OR2C1: variants seen among roughly 807,000 people sequenced by gnomAD.
The protein encoded by OR2C1 is olfactory receptor 2C1.
For synonymous variants in OR2C1, 209 were observed against 167.3 expected, an observed-to-expected ratio of 1.25 and a Z score of -1.92; for missense variants, 468 against 388.3, an observed-to-expected ratio of 1.21 and a Z score of -1.73.
At chr16:3,338,879 T>C in the OR2C1 span, among the ~76,000 whole-genome samples, 1 of 152,234 alleles carries the variant, frequency 6.6e-6, no homozygotes, top group South Asian at 2.1e-4. Flanking sequence ...AAAATAAAAT[T>C]AACCATTTTA....
At chr16:3,326,419 C>T in the OR2C1 span, among the ~76,000 whole-genome samples, 41 of 152,328 alleles carry the variant, frequency 2.7e-4, no homozygotes, top group African/African-American at 9.6e-4. Flanking sequence ...ACAGACCATC[C>T]AGGTCCCTGA....
the OR2C1 span, among the ~76,000 whole-genome samples, chr16:3,333,231 T>TG: frequency 1.8e-3 from 233 of 132,228 alleles, 6 homozygotes; most frequent in African/African-American, 6.5e-3. Flanking sequence ...TTTTTTTTTT[T>TG]TTTTTTTTTT....
In OR2C1 at chr16:3,356,838, G is replaced by A. The variant is rs62000975; in HGVS notation, c.898G>A (p.Ala300Thr). 0.012 allele frequency: 20,097 copies of A among 1,608,498 alleles called. 181 individuals carry two copies. Among genetic ancestry groups the A allele is most frequent in the South Asian group, 0.024 (2,134 of 90,322 alleles). The change falls in exon 1 of 1, where the codon GCA becomes ACA. Residue 300 changes from alanine to threonine, a missense_variant. Physicochemically the swap from Ala to Thr is moderately conservative, Grantham distance 58 (BLOSUM62 0). Transcript: ENST00000304936. The stretch of plus-strand genomic sequence containing the variant: ...GCTGCGGAACATGGAAGTGAAGGGC[G>A]CACTGAGGAGGTTGCTGGGGAAAGG... ...YTLRNMEVKG[A>T]LRRLLGKGRE...
the OR2C1 span, among the ~76,000 whole-genome samples, chr16:3,350,584 T>C: frequency 6.6e-6 from 1 of 151,180 alleles, no homozygotes; most frequent in Non-Finnish European, 1.5e-5. Context: ...GCTAATTTTT[T>C]GTATTTTTAC....
chr16:3,356,102 G>C lies in OR2C1; in HGVS notation c.162G>C (p.Arg54=). 1 of 1,614,130 alleles carries C rather than the reference G, an allele frequency of 6.2e-7. No homozygotes were observed. The highest frequency in any genetic ancestry group is 1.3e-5 in the African/African-American group (1 of 75,022). Residue 54 remains arginine, a synonymous_variant, in exon 1 of 1, where the codon CGG becomes CGC. Coordinates refer to ENST00000304936, the MANE Select transcript of OR2C1 (RefSeq NM_012368.3). The part of the protein sequence containing the change: ...TIILLSRLEA[R]LHTPMYFFLS... ...TCTTGCTTTCCCGCCTGGAGGCCCG[G>C]CTCCATACACCCATGTACTTCTTCC...
the OR2C1 span, among the ~76,000 whole-genome samples, chr16:3,333,434 C>T: frequency 1.1e-4 from 16 of 151,872 alleles, no homozygotes; most frequent in South Asian, 2.7e-3. Flanking sequence ...CTCCCGGGTT[C>T]GCGCCATTCT....
At chr16:3,326,549 C>T in the OR2C1 span, among the ~76,000 whole-genome samples, 1 of 152,180 alleles carries the variant, frequency 6.6e-6, no homozygotes, top group Non-Finnish European at 1.5e-5. Flanking sequence ...TTGACTGCCT[C>T]CTAACATCCG....
In OR2C1 at chr16:3,356,248, T is replaced by A. The variant is rs774049025; in HGVS notation, c.308T>A (p.Val103Asp). The A allele has an allele frequency of 1.9e-6, 3 of 1,614,130 alleles. No homozygotes were observed. The highest frequency in any genetic ancestry group is 4.5e-5 in the East Asian group (2 of 44,886). ...GGTGGCTGCATAACCCAGCTCTATG[T>A]CTTCCTTTGGCTGGGGGCCACCGAG... is the stretch of plus-strand genomic sequence containing the variant. Reference protein sequence around the residue: ...SYGGCITQLYVFLWLGATECI... With the variant: ...SYGGCITQLYDFLWLGATECI... Residue 103 changes from valine (V) to aspartate (D), a missense_variant, in exon 1 of 1, where the codon GTC becomes GAC. Transcript: ENST00000304936.
chr16:3,336,708 C>CTTTTTTTTTTTTT, the OR2C1 span, among the ~76,000 whole-genome samples: 4 of 93,768 alleles, frequency 4.3e-5, no homozygotes, highest in East Asian at 3.2e-4. Flanking sequence ...TTCTTTCTTT[C>CTTTTTTTTTTTTT]TTTCTTTTTT....
chr16:3,323,284 G>A, the OR2C1 span: 1 of 869,328 alleles, frequency 1.2e-6, no homozygotes, highest in East Asian at 2.4e-5. Context: ...GTAGCATGAT[G>A]GACCACTGAG....
the OR2C1 span, among the ~76,000 whole-genome samples, chr16:3,347,831 CACACAT>C: frequency 4.1e-4 from 46 of 111,424 alleles, no homozygotes; most frequent in Admixed American, 1.7e-3. Flanking sequence ...CACACATGCA[CACACAT>C]ACACACATGC....
upstream of OR2C1, among the ~76,000 whole-genome samples, chr16:3,353,039 G>C (rs1029524780): frequency 1.8e-4 from 27 of 151,076 alleles, no homozygotes; most frequent in African/African-American, 6.6e-4. Flanking sequence ...CACTGCGCCC[G>C]GCCCTGTCTA....
At chr16:3,335,876 G>A in the OR2C1 span, among the ~76,000 whole-genome samples, 1 of 152,016 alleles carries the variant, frequency 6.6e-6, no homozygotes, top group Non-Finnish European at 1.5e-5. Flanking sequence ...GACTAACTTC[G>A]CTTCTTCCTT....
chr16:3,323,613 TCTGCACCAGTAGACTCAC>T, the OR2C1 span: 9 of 738,298 alleles, frequency 1.2e-5, no homozygotes, highest in South Asian at 1.3e-4. Flanking sequence ...GCAATGGCTG[TCTGCACCAGTAGACTCAC>T]GCCAACAATC....
chr16:3,330,765 CAG>C, the OR2C1 span, among the ~76,000 whole-genome samples: 1 of 151,956 alleles, frequency 6.6e-6, no homozygotes, highest in African/African-American at 2.4e-5. Flanking sequence ...TTTTTAGAGA[CAG>C]AGTCTTATTT....
chr16:3,323,735 C>T, the OR2C1 span: 1 of 685,972 alleles, frequency 1.5e-6, no homozygotes, highest in South Asian at 1.6e-5. Context: ...CACCTTGTCA[C>T]ATTTCTGCCA....
At chr16:3,343,226 A>G in the OR2C1 span, among the ~76,000 whole-genome samples, 16 of 152,276 alleles carry the variant, frequency 1.1e-4, no homozygotes, top group African/African-American at 3.9e-4. Context: ...GCACATACAC[A>G]CACAAATCAG....
chr16:3,329,748 C>CTTTT, the OR2C1 span, among the ~76,000 whole-genome samples: 3,440 of 62,430 alleles, frequency 0.055, 267 homozygotes, highest in Non-Finnish European at 0.065. Context: ...GGCGCCCGGC[C>CTTTT]TTTTTTTTTT....
the OR2C1 span, among the ~76,000 whole-genome samples, chr16:3,345,825 T>C: frequency 8.2e-6 from 1 of 122,238 alleles, no homozygotes. Context: ...CCTTCCTTCC[T>C]TCCTTCCCTC....
Sources: allele counts gnomAD v4.1 joint callset (sites outside exome capture counted in the v4.1 genomes callset), GRCh38; gene constraint gnomAD v4.1.1; transcripts MANE v1.5; gene names NCBI Gene and HGNC (gene_info 2026-07-23, HGNC 2026-07-21).